KIAA0825: variants seen among roughly 807,000 people sequenced by gnomAD.
KIAA0825 encodes the protein uncharacterized protein KIAA0825.
A neutral mutation model predicts 147.6 loss-of-function variants in KIAA0825; 119 were observed. The observed-to-expected ratio is 0.81, with a 90% CI of 0.69 to 0.94. The LOEUF (loss-of-function observed/expected upper bound fraction) is 0.94, where lower values mean the gene tolerates loss of function less well. KIAA0825 is among the 40% of genes least tolerant of loss of function. The pLI, the probability that KIAA0825 is intolerant of heterozygous loss-of-function variation, is 0.00. For missense variants in KIAA0825, 1,381 were observed against 1,472.7 expected, an observed-to-expected ratio of 0.94 and a Z score of 1.02; for synonymous variants, 470 against 518.1, an observed-to-expected ratio of 0.91 and a Z score of 1.26.
At chr5:94,296,072 G>T (rs542724073) in intron 20 of KIAA0825, among the ~76,000 whole-genome samples, 2 of 152,302 alleles carry the variant, frequency 1.3e-5, no homozygotes, top group South Asian at 4.1e-4. Flanking sequence ...CCACTGACTG[G>T]GGCTGCTGCC....
intron 14 of KIAA0825, among the ~76,000 whole-genome samples, chr5:94,425,109 G>C (rs1352713226): frequency 1.3e-5 from 2 of 152,108 alleles, no homozygotes; most frequent in Non-Finnish European, 2.9e-5. Flanking sequence ...GTAAAAAGAA[G>C]GGAATGTTTC....
At chr5:94,435,270 A>C in intron 14 of KIAA0825, among the ~76,000 whole-genome samples, 2 of 147,442 alleles carry the variant, frequency 1.4e-5, no homozygotes, top group African/African-American at 2.5e-5. Context: ...ATTTTTCCTG[A>C]TCCTCTCCCT....
intron 15 of KIAA0825, chr5:94,416,540 T>C (rs1239406866): frequency 6.6e-6 from 1 of 152,164 alleles, no homozygotes; most frequent in African/African-American, 2.4e-5. Flanking sequence ...TCACAAGATA[T>C]TAAATATGAA....
At chr5:94,590,441 A>C (rs1341344821) in intron 1 of KIAA0825, among the ~76,000 whole-genome samples, 2 of 152,222 alleles carry the variant, frequency 1.3e-5, no homozygotes, top group African/African-American at 4.8e-5. Flanking sequence ...ACGAACTCTC[A>C]AGGACAACAG....
chr5:94,472,610 A>G (rs372004457), intron 8 of KIAA0825, among the ~76,000 whole-genome samples: 14 of 152,206 alleles, frequency 9.2e-5, no homozygotes, highest in South Asian at 4.2e-4. Flanking sequence ...CGGGCGAGGT[A>G]GCGGGCGCCT....
chr5:94,484,935 G>A lies in KIAA0825; in HGVS notation c.971-5C>T, dbSNP rs560681708. On this transcript the variant is annotated splice_polypyrimidine_tract_variant and splice_region_variant and intron_variant, in intron 5 of 20. Transcript: ENST00000682413. Reference sequence around the variant, plus strand: ...TCTGTGGGCATTCAGTAGTAACTGTGAAAAGAAAAGATCAATACTGTCATA... The same window carrying A: ...TCTGTGGGCATTCAGTAGTAACTGTAAAAAGAAAAGATCAATACTGTCATA... 49 of 1,470,106 alleles carry A rather than the reference G, an allele frequency of 3.3e-5. No homozygotes were observed. The African/African-American group carries it at 6.5e-4, about 19-fold the overall frequency. The allele number at this position is 1,470,106 out of a possible 1,614,324, so 91.1% of individuals were successfully genotyped here. A position where few individuals can be genotyped will look rare whatever the true frequency, so the allele number is the denominator to read the frequency against.
At position 94,594,306 on chromosome 5, in the gene KIAA0825, T is replaced by G. The variant is rs7716637; in HGVS notation, c.-152-11723A>C. On this transcript the variant is annotated intron_variant, in intron 1 of 20. Transcript: ENST00000682413. ...TCAGATCCCATGGTTTCTCGACTGC[T>G]TCTGTCAGCAATATAATAAAGGTAT... The G allele has an allele frequency of 4.2e-3, 2,772 of 655,002 alleles. 51 individuals carry two copies. The highest frequency in any genetic ancestry group is 0.042 in the African/African-American group (2,364 of 55,916). 40.6% of individuals were successfully genotyped at this position (655,002 alleles called of 1,614,324 possible).
At chr5:94,394,142 G>C (rs759618172) in intron 17 of KIAA0825, among the ~76,000 whole-genome samples, 1 of 152,026 alleles carries the variant, frequency 6.6e-6, no homozygotes, top group Non-Finnish European at 1.5e-5. Flanking sequence ...GTGAGCCACT[G>C]CGCCCAGCCA....
intron 3 of KIAA0825, 137 bp downstream of exon 3, chr5:94,536,859 T>C: frequency 3.6e-6 from 2 of 552,942 alleles, no homozygotes; most frequent in Non-Finnish European, 6.3e-6. Flanking sequence ...GAGAGGGGGG[T>C]CTAATCAATA....
chr5:94,424,921 C>T (rs952131227), intron 14 of KIAA0825, among the ~76,000 whole-genome samples: 1 of 152,066 alleles, frequency 6.6e-6, no homozygotes, highest in Non-Finnish European at 1.5e-5. Context: ...ACACATATAA[C>T]CTACCAAGAT....
At chr5:94,618,249 C>T (rs141698098) in intron 1 of KIAA0825, 2 of 152,356 alleles carry the variant, frequency 1.3e-5, no homozygotes, top group East Asian at 1.9e-4. Context: ...TCTTCGGCCT[C>T]GCCCAGGGAC....
At chr5:94,276,326 C>T (rs540843163) in intron 20 of KIAA0825, among the ~76,000 whole-genome samples, 4 of 152,072 alleles carry the variant, frequency 2.6e-5, no homozygotes, top group African/African-American at 7.2e-5. Flanking sequence ...TACCTAGTGT[C>T]CTTCCCAATT....
intron 20 of KIAA0825, among the ~76,000 whole-genome samples, chr5:94,176,428 T>C (rs1366340142): frequency 6.6e-6 from 1 of 152,132 alleles, no homozygotes; most frequent in Non-Finnish European, 1.5e-5. Context: ...GGCTCAGGTA[T>C]TCTGTTGTAA....
At chr5:94,254,461 C>A (rs879645989) in intron 20 of KIAA0825, among the ~76,000 whole-genome samples, 1 of 152,096 alleles carries the variant, frequency 6.6e-6, no homozygotes, top group Non-Finnish European at 1.5e-5. Context: ...AGAGCATGGA[C>A]GGATTAGTGT....
chr5:94,386,158 G>GTAAA, intron 19 of KIAA0825, 84 bp downstream of exon 19: 6 of 1,252,590 alleles, frequency 4.8e-6, no homozygotes, highest in Non-Finnish European at 5.5e-6. Context: ...AAGCTTATGA[G>GTAAA]TAAATACTCA....
chr5:94,447,013 C>T (rs941141860), intron 13 of KIAA0825, among the ~76,000 whole-genome samples: 7 of 152,042 alleles, frequency 4.6e-5, no homozygotes, highest in African/African-American at 1.7e-4. Context: ...GTCCAATTGC[C>T]TCCTAAGTCT....
intron 20 of KIAA0825, among the ~76,000 whole-genome samples, chr5:94,251,212 A>G (rs576307685): frequency 5.3e-5 from 8 of 152,196 alleles, no homozygotes; most frequent in African/African-American, 1.9e-4. Flanking sequence ...AGTTCAGCAA[A>G]CAGGGGAAAA....
At chr5:94,501,648 A>T (rs1765102411) in intron 5 of KIAA0825, among the ~76,000 whole-genome samples, 1 of 152,242 alleles carries the variant, frequency 6.6e-6, no homozygotes, top group Non-Finnish European at 1.5e-5. Context: ...TTAAAAAATC[A>T]TAATTAATGA....
intron 1 of KIAA0825, among the ~76,000 whole-genome samples, chr5:94,598,557 A>G (rs1785725294): frequency 6.6e-6 from 1 of 152,172 alleles, no homozygotes. Flanking sequence ...AATATGCTAA[A>G]ATAATAATGA....
Sources: gnomAD v4.1 joint callset for allele counts (sites outside exome capture counted in the v4.1 genomes callset) on GRCh38, gnomAD v4.1.1 for gene constraint, MANE v1.5 for transcripts, NCBI Gene and HGNC (gene_info 2026-07-23, HGNC 2026-07-21) for gene names.